CCDC27: variants seen among roughly 807,000 people sequenced by gnomAD.
CCDC27 encodes the protein coiled-coil domain-containing protein 27.
A neutral mutation model predicts 80.3 loss-of-function variants in CCDC27; 80 were observed. That is an observed-to-expected ratio of 1.00 (90% CI 0.83 to 1.20). CCDC27 has a LOEUF of 1.20. Among genes scored for constraint, CCDC27 ranks in the 50% most tolerant of loss-of-function variants. The probability of loss-of-function intolerance (pLI) is 0.00; values close to 1 mark genes in which losing one functional copy is unlikely to be tolerated. For synonymous variants in CCDC27, 342 were observed against 334.3 expected, an observed-to-expected ratio of 1.02 and a Z score of -0.25; for missense variants, 815 against 809.4, an observed-to-expected ratio of 1.01 and a Z score of -0.08.
rs1376195495 is a variant in CCDC27 at position 3,763,665 on chromosome 1, C to G, written c.1322-41C>G. ...GCCCTCTCCTTCTGTCCCTCACTGC[C>G]CCTGCTTGCTCCTGCTCACCGCCTC... On this transcript the variant is annotated intron_variant, in intron 7 of 11. Transcript: ENST00000294600. This position sits in a 1 kb window ranked among gnomAD's most constrained non-coding sequence, Gnocchi z 7.5. The G allele has an allele frequency of 4.3e-6, 7 of 1,611,640 alleles. No homozygotes were observed. Among genetic ancestry groups the G allele is most frequent in the Non-Finnish European group, 5.1e-6 (6 of 1,178,082 alleles).
Position 3,763,240 on chromosome 1 carries a change from G to T in CCDC27, c.1087G>T (p.Gly363Ter), listed in dbSNP as rs1057014598. ...TGCCTGGGGAGGTGTGAGCCAGATG[G>T]GATCCGTGCATGAGGAGGGAAGCGA... ...TGAWGGVSQM[G>*]SVHEEGSEEE... The change falls in exon 7 of 12, where the codon GGA (glycine) becomes TGA (stop). Residue 363 changes from glycine to a stop codon, truncating the protein, a stop_gained. Coordinates refer to ENST00000294600, the MANE Select transcript of CCDC27 (RefSeq NM_152492.3). LOFTEE classifies it high-confidence loss of function. This position sits in a 1 kb window ranked among gnomAD's most constrained non-coding sequence, Gnocchi z 7.5. 7.7e-6 allele frequency: 12 copies of T among 1,560,452 alleles called. No homozygotes were observed. In the African/African-American group the frequency reaches 1.2e-4, roughly 16 times the overall value.
At position 3,767,455 on chromosome 1, in the gene CCDC27, G is replaced by T; in HGVS notation, c.1743+10G>T. On this transcript the variant is annotated intron_variant, in intron 10 of 11. Transcript: ENST00000294600. ...GAGCTCCCAGTCCAGGGTATGCCCAGCCCTTCCTCCTGAGGGTCTGTCCCA... is the reference window on the plus strand; with the variant it reads ...GAGCTCCCAGTCCAGGGTATGCCCATCCCTTCCTCCTGAGGGTCTGTCCCA... 1 of 1,603,364 alleles carries T rather than the reference G, an allele frequency of 6.2e-7. No homozygotes were observed. Among genetic ancestry groups the T allele is most frequent in the Non-Finnish European group, 8.5e-7 (1 of 1,174,438 alleles).
intron 2 of CCDC27, among the ~76,000 whole-genome samples, chr1:3,754,938 C>T (rs1030799280): frequency 6.6e-6 from 1 of 152,098 alleles, no homozygotes; most frequent in Admixed American, 6.5e-5. Context: ...GCTTCAGGCC[C>T]CCACTGCCTC....
chr1:3,755,035 G>A (rs189564480), intron 2 of CCDC27, among the ~76,000 whole-genome samples: 37 of 152,300 alleles, frequency 2.4e-4, no homozygotes, highest in African/African-American at 6.7e-4. Flanking sequence ...GCCACACGGT[G>A]TCCTGGGCGT....
chr1:3,769,705 GGT>G lies in CCDC27; in HGVS notation c.1744-76_1744-75del. 2.2e-6 allele frequency: 2 copies of G among 919,254 alleles called. No individual in the cohort carries two copies. Among genetic ancestry groups the G allele is most frequent in the Non-Finnish European group, 3.7e-6 (2 of 547,788 alleles). The allele number at this position is 919,254 out of a possible 1,614,324, so 56.9% of individuals were successfully genotyped here. On this transcript the variant is annotated intron_variant, in intron 10 of 11. Transcript: ENST00000294600. The surrounding 1 kb of genome is among the most constrained non-coding windows in gnomAD (Gnocchi z 4.6). Reference sequence around the variant, plus strand: ...TTCCTTCCTGGTACATAAAAAATAAGGTGGTGGGGGGTGCAGCCCACTGGCCA... The same window carrying G: ...TTCCTTCCTGGTACATAAAAAATAAGGGTGGGGGGTGCAGCCCACTGGCCA...
chr1:3,763,866 T>C lies in CCDC27; in HGVS notation c.1452+30T>C. The C allele has an allele frequency of 6.2e-7, 1 of 1,608,764 alleles. No individual in the cohort carries two copies. Among genetic ancestry groups the C allele is most frequent in the East Asian group, 2.2e-5 (1 of 44,754 alleles). On this transcript the variant is annotated intron_variant, in intron 8 of 11. Transcript: ENST00000294600. This position sits in a 1 kb window ranked among gnomAD's most constrained non-coding sequence, Gnocchi z 7.5. ...CCGTGCGCTCAGTACCGGCCTCCGC[T>C]CCATGAGCATGGGCCCCAGGCTTCA...
At chr1:3,762,798 C>T in intron 6 of CCDC27, 86 bp downstream of exon 6, 1 of 1,263,882 alleles carries the variant, frequency 7.9e-7, no homozygotes, top group Non-Finnish European at 1.1e-6. Flanking sequence ...GCCCAGGCCC[C>T]AAGTGTCCCT....
chr1:3,769,987 C>A lies in CCDC27; in HGVS notation c.1848+100C>A. On this transcript the variant is annotated intron_variant, in intron 11 of 11. Transcript: ENST00000294600. The surrounding 1 kb of genome is among the most constrained non-coding windows in gnomAD (Gnocchi z 4.6). ...GGGCCTAGATTCCAGGGACTCTGTTCTCATCCTACCTGTGTCACCTATTCA... is the reference window on the plus strand; with the variant it reads ...GGGCCTAGATTCCAGGGACTCTGTTATCATCCTACCTGTGTCACCTATTCA... 1 of 819,300 alleles carries A rather than the reference C, an allele frequency of 1.2e-6. No homozygotes were observed. Among genetic ancestry groups the A allele is most frequent in the Non-Finnish European group, 2.1e-6 (1 of 471,480 alleles). The allele number at this position is 819,300 out of a possible 1,614,324, so 50.8% of individuals were successfully genotyped here.
Position 3,752,936 on chromosome 1 carries a change from A to C in CCDC27, c.318+137A>C, listed in dbSNP as rs10910022. On this transcript the variant is annotated intron_variant, in intron 1 of 11. Coordinates refer to ENST00000294600, the MANE Select transcript of CCDC27 (RefSeq NM_152492.3). ...TGATGGGTTACCAAAGGGGGATTCC[A>C]GGCAGGCAACGAATTGAGCGCTAGG... The C allele has an allele frequency of 2.9e-6, 3 of 1,029,530 alleles. 1 individual carries two copies. Among genetic ancestry groups the C allele is most frequent in the Non-Finnish European group, 4.2e-6 (3 of 711,216 alleles). The allele number at this position is 1,029,530 out of a possible 1,614,324, so 63.8% of individuals were successfully genotyped here.
Position 3,771,445 on chromosome 1 carries a change from G to T in CCDC27, c.1893G>T (p.Gln631His), listed in dbSNP as rs1242995705. The change falls in exon 12 of 12, where the codon CAG becomes CAT. Residue 631 changes from glutamine (Q) to histidine (H), a missense_variant. Coordinates refer to ENST00000294600, the MANE Select transcript of CCDC27 (RefSeq NM_152492.3). ...ERSDYYNQLK[Q>H]KGVKVPPLQQ... ...GCGACTACTATAATCAGCTGAAGCA[G>T]AAAGGCGTCAAAGTGCCCCCCCTGC... 1 of 1,613,960 alleles carries T rather than the reference G, an allele frequency of 6.2e-7. No homozygotes were observed. Among genetic ancestry groups the T allele is most frequent in the African/African-American group, 1.3e-5 (1 of 74,914 alleles).
chr1:3,758,350 A>G (rs1215638419), intron 4 of CCDC27, among the ~76,000 whole-genome samples: 1 of 151,766 alleles, frequency 6.6e-6, no homozygotes, highest in East Asian at 2.0e-4. Context: ...CACCACACCC[A>G]GCTAATTTTT....
chr1:3,762,389 G>A (rs1428521071), intron 5 of CCDC27, among the ~76,000 whole-genome samples: 1 of 152,126 alleles, frequency 6.6e-6, no homozygotes, highest in African/African-American at 2.4e-5. Flanking sequence ...CCACTTGCTG[G>A]GGGCTGCTCT....
In CCDC27 at chr1:3,766,024, C is replaced by T. The variant is rs999375881; in HGVS notation, c.1453-511C>T. Among the ~76,000 whole-genome samples, 1 of 152,140 alleles carries T rather than the reference C, an allele frequency of 6.6e-6. No homozygotes were observed. The highest frequency in any genetic ancestry group is 2.4e-5 in the African/African-American group (1 of 41,426). On this transcript the variant is annotated intron_variant, in intron 8 of 11. Coordinates refer to ENST00000294600, the MANE Select transcript of CCDC27 (RefSeq NM_152492.3). The surrounding 1 kb of genome is among the most constrained non-coding windows in gnomAD (Gnocchi z 6.1). ...AGCTGGGACCACAGGTGCACACCAC[C>T]ACACCCAACCAATGTTCTTATTTTT... is the stretch of plus-strand genomic sequence containing the variant.
At chr1:3,759,612 T>A (rs1643041876) in intron 4 of CCDC27, among the ~76,000 whole-genome samples, 1 of 152,200 alleles carries the variant, frequency 6.6e-6, no homozygotes, top group Non-Finnish European at 1.5e-5. Flanking sequence ...TGGACATGAG[T>A]CACAAAATGT....
At position 3,768,324 on chromosome 1, in the gene CCDC27, T is replaced by C. The variant is rs1259133986; in HGVS notation, c.1743+879T>C. 6.6e-6 allele frequency among the ~76,000 whole-genome samples: 1 copy of C among 152,100 alleles called. No individual in the cohort carries two copies. The highest frequency in any genetic ancestry group is 2.4e-5 in the African/African-American group (1 of 41,434). On this transcript the variant is annotated intron_variant, in intron 10 of 11. Coordinates refer to ENST00000294600, the MANE Select transcript of CCDC27 (RefSeq NM_152492.3). This position sits in a 1 kb window ranked among gnomAD's most constrained non-coding sequence, Gnocchi z 5.6. Reference sequence around the variant, plus strand: ...GCTGTCCAGGCTGGTCTTGAACTCCTGGGCTCCAGCAATCTGCCTGCCTTG... The same window carrying C: ...GCTGTCCAGGCTGGTCTTGAACTCCCGGGCTCCAGCAATCTGCCTGCCTTG...
In CCDC27 at chr1:3,763,056, C is replaced by T; in HGVS notation, c.955-52C>T. On this transcript the variant is annotated intron_variant, in intron 6 of 11. Coordinates refer to ENST00000294600, the MANE Select transcript of CCDC27 (RefSeq NM_152492.3). This position sits in a 1 kb window ranked among gnomAD's most constrained non-coding sequence, Gnocchi z 7.5. ...CCGCCATGAGCATTAGAGCCCTCTG[C>T]CCTGGGGGTGCCCCGCAGCCCTGCC... 2.1e-6 allele frequency: 3 copies of T among 1,449,332 alleles called. No individual in the cohort carries two copies. The highest frequency in any genetic ancestry group is 2.9e-5 in the Admixed American group (1 of 34,934). 89.8% of individuals were successfully genotyped at this position (1,449,332 alleles called of 1,614,324 possible).
chr1:3,757,921 C>CAA (rs779579669), intron 4 of CCDC27, among the ~76,000 whole-genome samples: 3 of 68,112 alleles, frequency 4.4e-5, no homozygotes, highest in South Asian at 9.8e-4. Context: ...GACTCCATCT[C>CAA]AAAAAAAAAA....
At chr1:3,753,981 C>T in intron 1 of CCDC27, 137 bp from the exon 2 acceptor site, 1 of 1,241,246 alleles carries the variant, frequency 8.1e-7, no homozygotes, top group Non-Finnish European at 1.1e-6. Context: ...GGTGTGGGGT[C>T]TGCATCTACA....
chr1:3,770,827 A>G (rs1015279736), intron 11 of CCDC27, among the ~76,000 whole-genome samples: 2 of 150,840 alleles, frequency 1.3e-5, no homozygotes, highest in Admixed American at 1.3e-4. Context: ...GAGAAAGAGG[A>G]AGAGAAGAGG....
Sources: allele counts gnomAD v4.1 joint callset (sites outside exome capture counted in the v4.1 genomes callset), GRCh38; gene constraint gnomAD v4.1.1; non-coding constraint Gnocchi (gnomAD v3.1); transcripts MANE v1.5; gene names NCBI Gene and HGNC (gene_info 2026-07-23, HGNC 2026-07-21).